The following PASD1 variants were observed in gnomAD, a reference collection of about 807,000 sequenced individuals.
The protein encoded by PASD1 is PAS domain containing repressor 1.
A neutral mutation model predicts 58.8 loss-of-function variants in PASD1; 13 were observed. The ratio of observed to expected loss-of-function variants is 0.22; its 90% CI spans 0.14 to 0.35. PASD1 has a LOEUF of 0.35. PASD1 is among the 10% of genes least tolerant of loss of function. The pLI is 1.00. For synonymous variants in PASD1, 236 were observed against 216.7 expected (o/e 1.09, Z -0.78); for missense variants, 734 against 568.3 (o/e 1.29, Z -2.96).
chrX:151,674,329 C>G (rs966276894), intron 15 of PASD1, 143 bp downstream of exon 15: 13 of 806,466 alleles, frequency 1.6e-5, no homozygotes, highest in Admixed American at 3.0e-5. Context: ...CAGTTAGTCA[C>G]ATGATGGTAG....
At chrX:151,653,856 C>T (rs1282428474) in intron 9 of PASD1, among the ~76,000 whole-genome samples, 1 of 30,363 alleles carries the variant, frequency 3.3e-5, no homozygotes. Context: ...CCCTCCCTCC[C>T]TCCCTCCCTC....
chrX:151,604,346 G>A lies in PASD1; in HGVS notation c.29-300G>A, dbSNP rs956412077. On this transcript the variant is annotated intron_variant, in intron 2 of 15. Coordinates refer to ENST00000370357, the MANE Select transcript of PASD1 (RefSeq NM_173493.3). ...AGATTATGGATACTGGGTTTTGGTA[G>A]AATTCAAGAGGAAAAAAAGAACTAG... Among the ~76,000 whole-genome samples, 3 of 111,534 alleles carry A rather than the reference G, an allele frequency of 2.7e-5. 1 individual carries two copies. Among genetic ancestry groups the A allele is most frequent in the Non-Finnish European group, 5.6e-5 (3 of 53,144 alleles).
chrX:151,614,104 C>T (rs1220880140), intron 4 of PASD1, among the ~76,000 whole-genome samples: 2 of 110,348 alleles, frequency 1.8e-5, no homozygotes, highest in Non-Finnish European at 3.8e-5. Context: ...CCTGCCTCAG[C>T]CTCCTGAGTA....
intron 1 of PASD1, among the ~76,000 whole-genome samples, chrX:151,593,236 A>G (rs2013273118): frequency 9.1e-6 from 1 of 109,855 alleles, no homozygotes; most frequent in African/African-American, 3.3e-5. Context: ...TTATTTTTTT[A>G]TTTTATTTTT....
chrX:151,594,868 A>G (rs1389664665), intron 1 of PASD1, among the ~76,000 whole-genome samples: 1 of 111,019 alleles, frequency 9.0e-6, no homozygotes, highest in Non-Finnish European at 1.9e-5. Flanking sequence ...TGTTCACCTG[A>G]AAATATCTTT....
intron 9 of PASD1, among the ~76,000 whole-genome samples, chrX:151,659,017 A>C (rs756983144): frequency 4.5e-4 from 51 of 112,361 alleles, no homozygotes; most frequent in Non-Finnish European, 8.3e-4. Flanking sequence ...AATGGATTCT[A>C]TCTCTCACTC....
chrX:151,660,081 A>T (rs1388231000), intron 10 of PASD1, among the ~76,000 whole-genome samples: 1 of 112,100 alleles, frequency 8.9e-6, no homozygotes, highest in Non-Finnish European at 1.9e-5. Context: ...TTGGCGCTGG[A>T]TCTCAATCCT....
chrX:151,669,843 T>C (rs145117981), intron 11 of PASD1, among the ~76,000 whole-genome samples: 1 of 112,188 alleles, frequency 8.9e-6, no homozygotes, highest in Non-Finnish European at 1.9e-5. Context: ...TGAATAGTAC[T>C]GCAACGAACA....
chrX:151,608,301 T>C (rs2013511981), intron 3 of PASD1, among the ~76,000 whole-genome samples: 1 of 112,110 alleles, frequency 8.9e-6, no homozygotes. Flanking sequence ...TGAGCCTCTT[T>C]TCACCAATTT....
intron 15 of PASD1, among the ~76,000 whole-genome samples, chrX:151,674,682 A>C (rs1427764755): frequency 8.9e-6 from 1 of 112,836 alleles, no homozygotes; most frequent in African/African-American, 3.2e-5. Flanking sequence ...TGCAGTGGCC[A>C]TGTTTCCAGG....
chrX:151,672,097 G>A, intron 13 of PASD1, 86 bp from the exon 14 acceptor site: 1 of 1,099,655 alleles, frequency 9.1e-7, no homozygotes, highest in Non-Finnish European at 1.2e-6. Flanking sequence ...CTTTTGCTTT[G>A]CGAGAATTGA....
At chrX:151,570,596 T>C (rs1325605888) in intron 1 of PASD1, among the ~76,000 whole-genome samples, 1 of 112,254 alleles carries the variant, frequency 8.9e-6, no homozygotes, top group Non-Finnish European at 1.9e-5. Context: ...CTTTGGGAAG[T>C]ATTGTAGGGA....
chrX:151,621,415 A>G (rs1478230413), intron 5 of PASD1, 67 bp from the exon 6 acceptor site: 6 of 829,061 alleles, frequency 7.2e-6, no homozygotes, highest in Non-Finnish European at 8.6e-6. Context: ...GGTCATATGA[A>G]ATAATCCAGT....
intron 9 of PASD1, among the ~76,000 whole-genome samples, chrX:151,652,059 T>G (rs2014134669): frequency 8.9e-6 from 1 of 112,484 alleles, no homozygotes; most frequent in Non-Finnish European, 1.9e-5. Context: ...ATTTACTGAT[T>G]TATTGAACAA....
intron 14 of PASD1, 159 bp from the exon 15 acceptor site, chrX:151,673,769 G>A (rs1345304615): frequency 6.0e-5 from 35 of 581,459 alleles, no homozygotes; most frequent in Non-Finnish European, 9.1e-5. Context: ...TTGACAAGTT[G>A]AATCTTAGTC....
At chrX:151,643,262 C>T (rs1034034394) in intron 8 of PASD1, among the ~76,000 whole-genome samples, 5 of 111,600 alleles carry the variant, frequency 4.5e-5, no homozygotes, top group Non-Finnish European at 9.4e-5. Flanking sequence ...TACTGAAAAG[C>T]AGTGGCTTTC....
At chrX:151,586,436 A>T (rs1025360339) in intron 1 of PASD1, among the ~76,000 whole-genome samples, 4 of 112,051 alleles carry the variant, frequency 3.6e-5, no homozygotes, top group African/African-American at 1.3e-4. Context: ...CAGTGCTGTC[A>T]GGTACTAGCT....
intron 1 of PASD1, among the ~76,000 whole-genome samples, chrX:151,582,482 C>T (rs2013112591): frequency 9.0e-6 from 1 of 110,782 alleles, no homozygotes; most frequent in African/African-American, 3.3e-5. Context: ...AGAGTATCAG[C>T]CTTGGTTCAG....
chrX:151,605,683 C>G (rs1419952121), intron 3 of PASD1, among the ~76,000 whole-genome samples: 3 of 111,001 alleles, frequency 2.7e-5, no homozygotes, highest in Non-Finnish European at 5.7e-5. Flanking sequence ...ACTGCAGCCT[C>G]AAACTTCTGG....
Sources: allele counts gnomAD v4.1 joint callset (sites outside exome capture counted in the v4.1 genomes callset), GRCh38; gene constraint gnomAD v4.1.1; transcripts MANE v1.5; gene names NCBI Gene and HGNC (gene_info 2026-07-23, HGNC 2026-07-21).